RTTN: variants seen among roughly 807,000 people sequenced by gnomAD.
The protein encoded by RTTN is rotatin.
RTTN carries 182 observed loss-of-function variants against 269.2 expected under a neutral mutation model. That is an observed-to-expected ratio of 0.68 (90% CI 0.60 to 0.76). The LOEUF (loss-of-function observed/expected upper bound fraction) is 0.76, where lower values mean the gene tolerates loss of function less well. Ranked by LOEUF, RTTN falls within the 30% of genes least tolerant of loss-of-function variation. The pLI is 0.00. For missense variants in RTTN, 2,545 were observed against 2,608.6 expected, an observed-to-expected ratio of 0.98 and a Z score of 0.53; for synonymous variants, 1,006 against 963.5, an observed-to-expected ratio of 1.04 and a Z score of -0.82.
chr18:70,127,426 CT>C (rs1218236579), intron 25 of RTTN, 75 bp downstream of exon 25: 2 of 1,526,834 alleles, frequency 1.3e-6, no homozygotes, highest in African/African-American at 2.8e-5. Context: ...AGACTCTTAT[CT>C]TCAAAGGTTA....
At chr18:70,188,444 T>C (rs1425201571) in intron 9 of RTTN, among the ~76,000 whole-genome samples, 1 of 152,146 alleles carries the variant, frequency 6.6e-6, no homozygotes, top group East Asian at 1.9e-4. Context: ...TCAAATACAT[T>C]TATAATTGGA....
chr18:70,148,815 T>C, intron 17 of RTTN, 86 bp downstream of exon 17: 1 of 1,523,256 alleles, frequency 6.6e-7, no homozygotes, highest in South Asian at 1.2e-5. Context: ...AATTCTTTAG[T>C]TTTGTTTCAA....
chr18:70,102,012 T>C (rs2059181352), intron 28 of RTTN, among the ~76,000 whole-genome samples: 1 of 152,180 alleles, frequency 6.6e-6, no homozygotes, highest in Non-Finnish European at 1.5e-5. Context: ...TGGTCAATTT[T>C]GGAATAAGTG....
At chr18:70,071,082 G>A (rs922951268) in intron 34 of RTTN, among the ~76,000 whole-genome samples, 1 of 152,168 alleles carries the variant, frequency 6.6e-6, no homozygotes, top group Non-Finnish European at 1.5e-5. Flanking sequence ...GAAGGAGGAA[G>A]CAAACATACT....
intron 37 of RTTN, 63 bp downstream of exon 37, chr18:70,057,679 A>G (rs555489695): frequency 7.2e-5 from 89 of 1,237,454 alleles, no homozygotes; most frequent in Non-Finnish European, 1.0e-4. Flanking sequence ...GTATCTCCTC[A>G]GCAAGATTTT....
Position 70,004,141 on chromosome 18 carries a change from C to T in RTTN, c.*10G>A, listed in dbSNP as rs370937695. On this transcript the variant is annotated 3_prime_UTR_variant, in exon 49 of 49. Coordinates refer to ENST00000640769, the MANE Select transcript of RTTN (RefSeq NM_173630.4). ...GACTGTCAGCTTCAAGGTGTAGCAT[C>T]CCATGGCACTCAGGAAGAATTAAGG... is the stretch of plus-strand genomic sequence containing the variant. The T allele has an allele frequency of 3.7e-5, 59 of 1,605,364 alleles. No individual in the cohort carries two copies. The highest frequency in any genetic ancestry group is 3.5e-4 in the South Asian group (32 of 90,818).
intron 40 of RTTN, among the ~76,000 whole-genome samples, chr18:70,037,530 C>A (rs987705109): frequency 3.9e-5 from 6 of 152,136 alleles, no homozygotes; most frequent in African/African-American, 1.2e-4. Flanking sequence ...GAACCCACTG[C>A]CTTGAAGGGA....
At chr18:70,101,543 AT>A (rs1026760286) in intron 28 of RTTN, among the ~76,000 whole-genome samples, 20 of 151,904 alleles carry the variant, frequency 1.3e-4, no homozygotes, top group Admixed American at 2.6e-4. Context: ...GGATTCACCA[AT>A]TTTTTTTAAG....
At chr18:70,130,086 C>A (rs2059961098) in intron 23 of RTTN, 1 of 151,758 alleles carries the variant, frequency 6.6e-6, no homozygotes, top group Admixed American at 6.6e-5. Flanking sequence ...AGATATCTCA[C>A]CCCAGTTAAA....
At chr18:70,099,400 C>G (rs1389157490) in intron 28 of RTTN, among the ~76,000 whole-genome samples, 1 of 152,164 alleles carries the variant, frequency 6.6e-6, no homozygotes, top group Non-Finnish European at 1.5e-5. Context: ...AGTGTCTGCT[C>G]ATATCCTTCG....
intron 32 of RTTN, among the ~76,000 whole-genome samples, chr18:70,077,906 C>T (rs2058469661): frequency 6.6e-6 from 1 of 151,142 alleles, no homozygotes; most frequent in Non-Finnish European, 1.5e-5. Context: ...TATAGAAATA[C>T]AAAAGGAAAT....
chr18:70,098,668 A>G (rs1472348950), intron 28 of RTTN, among the ~76,000 whole-genome samples: 1 of 152,110 alleles, frequency 6.6e-6, no homozygotes, highest in Non-Finnish European at 1.5e-5. Context: ...ATATACTTAA[A>G]GTTCTAGAGT....
chr18:70,016,265 G>C (rs1207689892), intron 46 of RTTN, among the ~76,000 whole-genome samples: 1 of 152,006 alleles, frequency 6.6e-6, no homozygotes, highest in African/African-American at 2.4e-5. Flanking sequence ...TGATTTCACA[G>C]AAAAATGCTT....
intron 6 of RTTN, among the ~76,000 whole-genome samples, chr18:70,197,190 T>C (rs1026475401): frequency 6.6e-6 from 1 of 152,072 alleles, no homozygotes; most frequent in Non-Finnish European, 1.5e-5. Context: ...GATCCCTCTC[T>C]CTCTACTATA....
chr18:70,020,640 T>G lies in RTTN; in HGVS notation c.6128A>C (p.His2043Pro). Residue 2043 changes from histidine (H) to proline (P), a missense_variant, in exon 45 of 49, where the codon CAT becomes CCT. Transcript: ENST00000640769. The part of the protein sequence containing the change: ...FMLLSNLALS[H>P]DCKGVIQKSN... ...CTTCTGAATTACTCCTTTACAGTCA[T>G]GCGACAAGGCCAGGTTTGAAAGAAG... 6.2e-7 allele frequency: 1 copy of G among 1,614,010 alleles called. No homozygotes were observed.
chr18:70,087,054 C>T (rs2058720844), intron 31 of RTTN, among the ~76,000 whole-genome samples: 1 of 149,862 alleles, frequency 6.7e-6, no homozygotes, highest in Non-Finnish European at 1.5e-5. Flanking sequence ...TTTCAGATTA[C>T]ACACACACAC....
Position 70,167,016 on chromosome 18 carries a change from A to C in RTTN, c.1705T>G (p.Leu569Val). 1 of 1,611,320 alleles carries C rather than the reference A, an allele frequency of 6.2e-7. No individual in the cohort carries two copies. Among genetic ancestry groups the C allele is most frequent in the South Asian group, 1.1e-5 (1 of 90,964 alleles). The change falls in exon 13 of 49, where the codon TTA becomes GTA. Residue 569 changes from leucine (L) to valine (V), a missense_variant. Transcript: ENST00000640769. ...TGGTCTGCCAGCTCCACTAATTCTA[A>C]GAGATTCTTCTCTCCCTACAAAAGA... Reference protein sequence around the residue: ...DIGKEGEKNLLELVELADQAL... With the variant: ...DIGKEGEKNLVELVELADQAL...
intron 28 of RTTN, among the ~76,000 whole-genome samples, chr18:70,094,837 CCT>C (rs2058954720): frequency 6.6e-6 from 1 of 151,628 alleles, no homozygotes; most frequent in South Asian, 2.1e-4. Flanking sequence ...CTTGAATATC[CCT>C]TTTTTTTTTT....
At chr18:70,205,493 G>A in intron 1 of RTTN, 135 bp downstream of exon 1, 2 of 1,356,510 alleles carry the variant, frequency 1.5e-6, no homozygotes, top group Non-Finnish European at 2.1e-6. Context: ...GGGTCCCCGG[G>A]GGCTATCCTG....
Sources: gnomAD v4.1 joint callset for allele counts (sites outside exome capture counted in the v4.1 genomes callset) on GRCh38, gnomAD v4.1.1 for gene constraint, MANE v1.5 for transcripts, NCBI Gene and HGNC (gene_info 2026-07-23, HGNC 2026-07-21) for gene names.